Variants in HS3ST3A1 observed in about 807,000 individuals in gnomAD.
HS3ST3A1 encodes heparan sulfate-glucosamine 3-sulfotransferase 3A1, also known as heparan sulfate glucosamine 3-O-sulfotransferase 3A1.
In HS3ST3A1, 19 loss-of-function variants were observed where a neutral mutation model predicts 25.7. The ratio of observed to expected loss-of-function variants is 0.74; its 90% CI spans 0.52 to 1.08. The LOEUF is 1.08. Among genes scored for constraint, HS3ST3A1 ranks in the 50% least tolerant of loss-of-function variants. The pLI, the probability that HS3ST3A1 is intolerant of heterozygous loss-of-function variation, is 0.00. For missense variants in HS3ST3A1, 459 were observed against 594.3 expected (o/e 0.77, Z 2.37); for synonymous variants, 226 against 278.6 (o/e 0.81, Z 1.88).
chr17:13,508,983 C>G (rs866234835), intron 1 of HS3ST3A1, among the ~76,000 whole-genome samples: 9 of 148,690 alleles, frequency 6.1e-5, no homozygotes, highest in African/African-American at 2.0e-4. Flanking sequence ...TTTTTTTAGC[C>G]TAAGTGCCAA....
chr17:13,588,669 T>C (rs1050950608), intron 1 of HS3ST3A1, among the ~76,000 whole-genome samples: 1 of 149,902 alleles, frequency 6.7e-6, no homozygotes, highest in Non-Finnish European at 1.5e-5. Context: ...CTTAGTATAG[T>C]CCATTTTATA....
At chr17:13,520,547 C>T (rs1906197745) in intron 1 of HS3ST3A1, among the ~76,000 whole-genome samples, 1 of 152,140 alleles carries the variant, frequency 6.6e-6, no homozygotes, top group Non-Finnish European at 1.5e-5. Context: ...CAGTCTATGT[C>T]TGTAGAACCA....
chr17:13,585,105 G>A (rs1350917319), intron 1 of HS3ST3A1, among the ~76,000 whole-genome samples: 1 of 144,912 alleles, frequency 6.9e-6, no homozygotes, highest in Non-Finnish European at 1.5e-5. Flanking sequence ...GGAAATGTAA[G>A]TTAGAGCAAA....
chr17:13,545,232 C>A (rs11870587), intron 1 of HS3ST3A1, among the ~76,000 whole-genome samples: 3,776 of 152,244 alleles, frequency 0.025, 166 homozygotes, highest in African/African-American at 0.086. Context: ...ACTGCCAATG[C>A]AGATATACCT....
intron 1 of HS3ST3A1, among the ~76,000 whole-genome samples, chr17:13,570,413 G>C (rs77403606): frequency 6.6e-6 from 1 of 151,844 alleles, no homozygotes; most frequent in South Asian, 2.1e-4. Context: ...CACCTTATAC[G>C]GTTTTGAAAA....
At chr17:13,508,446 A>C (rs1347556115) in intron 1 of HS3ST3A1, among the ~76,000 whole-genome samples, 1 of 152,224 alleles carries the variant, frequency 6.6e-6, no homozygotes, top group Non-Finnish European at 1.5e-5. Flanking sequence ...TTGGGCTCAT[A>C]AATTCAAGTA....
intron 1 of HS3ST3A1, among the ~76,000 whole-genome samples, chr17:13,580,597 GA>G (rs1908084469): frequency 6.6e-6 from 1 of 152,132 alleles, no homozygotes; most frequent in Admixed American, 6.5e-5. Context: ...GTAAGACTCA[GA>G]ACACACACAG....
At chr17:13,498,763 T>C (rs1905362753) in intron 1 of HS3ST3A1, among the ~76,000 whole-genome samples, 1 of 152,226 alleles carries the variant, frequency 6.6e-6, no homozygotes, top group African/African-American at 2.4e-5. Context: ...AGCCCAAGCA[T>C]AAAAATGGAC....
At chr17:13,587,904 A>G (rs1385125535) in intron 1 of HS3ST3A1, among the ~76,000 whole-genome samples, 2 of 152,182 alleles carry the variant, frequency 1.3e-5, no homozygotes. Flanking sequence ...ACCTAATCCC[A>G]TTCCCACACA....
In HS3ST3A1 at chr17:13,600,994, A is replaced by G; in HGVS notation, c.136T>C (p.Cys46Arg). ...ACGACGGGGCCGGACAGGGTCTGGC[A>G]GCGCTCGGCCAGGCAGTAGAAGACG... ...LYVFYCLAER[C>R]QTLSGPVVGL... is the part of the protein sequence containing the mutation. The change falls in exon 1 of 2, where the codon TGC becomes CGC. Residue 46 changes from cysteine (C) to arginine (R), a missense_variant. Coordinates refer to ENST00000284110, the MANE Select transcript of HS3ST3A1 (RefSeq NM_006042.3). The G allele has an allele frequency of 1.3e-6, 2 of 1,574,328 alleles. No individual in the cohort carries two copies.
chr17:13,558,499 CA>C (rs1170756744), intron 1 of HS3ST3A1, among the ~76,000 whole-genome samples: 3 of 151,862 alleles, frequency 2.0e-5, no homozygotes, highest in Non-Finnish European at 4.4e-5. Context: ...ATAAAAAATT[CA>C]AAGTAAGAAA....
intron 1 of HS3ST3A1, among the ~76,000 whole-genome samples, chr17:13,579,969 A>G (rs978747684): frequency 6.6e-6 from 1 of 150,646 alleles, no homozygotes; most frequent in Non-Finnish European, 1.5e-5. Context: ...AAAAAAAAGA[A>G]AAAAGAAATT....
At chr17:13,528,584 C>T (rs1413709186) in intron 1 of HS3ST3A1, among the ~76,000 whole-genome samples, 1 of 152,154 alleles carries the variant, frequency 6.6e-6, no homozygotes, top group Non-Finnish European at 1.5e-5. Context: ...CCTCCCTTTA[C>T]TTGTACAGAG....
intron 1 of HS3ST3A1, among the ~76,000 whole-genome samples, chr17:13,512,047 C>A (rs895438923): frequency 9.2e-5 from 14 of 152,110 alleles, no homozygotes; most frequent in African/African-American, 1.2e-4. Flanking sequence ...GCCCACAGGC[C>A]AACACCAGCT....
chr17:13,577,295 T>G (rs578097594), intron 1 of HS3ST3A1, among the ~76,000 whole-genome samples: 3 of 152,106 alleles, frequency 2.0e-5, no homozygotes, highest in Non-Finnish European at 4.4e-5. Context: ...GGAACTAAGG[T>G]TTCTTCACCC....
At chr17:13,550,807 G>C (rs150653836) in intron 1 of HS3ST3A1, among the ~76,000 whole-genome samples, 1 of 152,078 alleles carries the variant, frequency 6.6e-6, no homozygotes, top group African/African-American at 2.4e-5. Flanking sequence ...AGTGGCTCAC[G>C]CCTGTAATCC....
At chr17:13,541,720 A>T (rs890637133) in intron 1 of HS3ST3A1, among the ~76,000 whole-genome samples, 3 of 152,186 alleles carry the variant, frequency 2.0e-5, no homozygotes, top group African/African-American at 4.8e-5. Flanking sequence ...GCCTTTGAAC[A>T]TCGTGACCAG....
chr17:13,552,631 C>A (rs1907274850), intron 1 of HS3ST3A1, among the ~76,000 whole-genome samples: 1 of 152,174 alleles, frequency 6.6e-6, no homozygotes, highest in Non-Finnish European at 1.5e-5. Context: ...AGAAATACGT[C>A]TTTCTCCAGA....
At chr17:13,593,444 C>T (rs1908488656) in intron 1 of HS3ST3A1, among the ~76,000 whole-genome samples, 1 of 152,130 alleles carries the variant, frequency 6.6e-6, no homozygotes, top group African/African-American at 2.4e-5. Flanking sequence ...AAAACTGTCT[C>T]TGTGCTTGGT....
Sources: gnomAD v4.1 joint callset for allele counts (sites outside exome capture counted in the v4.1 genomes callset) on GRCh38, gnomAD v4.1.1 for gene constraint, MANE v1.5 for transcripts, NCBI Gene and HGNC (gene_info 2026-07-23, HGNC 2026-07-21) for gene names.